Variants in ADGRA1 observed in about 807,000 individuals in gnomAD.
ADGRA1 encodes the protein adhesion G protein-coupled receptor A1, also known as G-protein coupled receptor 123.
Under a neutral mutation model 21.3 loss-of-function variants are expected in ADGRA1, and 12 were observed. The observed-to-expected ratio is 0.56, with a 90% CI of 0.36 to 0.91. The LOEUF (loss-of-function observed/expected upper bound fraction) is 0.91, where lower values mean the gene tolerates loss of function less well. ADGRA1 is among the 40% of genes least tolerant of loss of function. The pLI is 0.01. For missense variants in ADGRA1, 790 were observed against 805.6 expected (o/e 0.98, Z 0.23); for synonymous variants, 385 against 368.8 (o/e 1.04, Z -0.50).
intron 4 of ADGRA1, among the ~76,000 whole-genome samples, chr10:133,101,194 C>T (rs567566970): frequency 1.6e-4 from 24 of 152,322 alleles, no homozygotes; most frequent in Admixed American, 5.9e-4. Flanking sequence ...GTGGCTGATC[C>T]GCCTTCCCGC....
intron 4 of ADGRA1, chr10:133,102,386 G>A (rs1404593501): frequency 1.9e-6 from 1 of 534,048 alleles, no homozygotes; most frequent in Non-Finnish European, 3.6e-6. Context: ...GTCCGTGCCT[G>A]GGCCACAGGG....
chr10:133,128,285 T>C, intron 6 of ADGRA1, 44 bp from the exon 7 acceptor site: 1 of 1,442,992 alleles, frequency 6.9e-7, no homozygotes, highest in South Asian at 1.4e-5. Context: ...TCCTGAGTCC[T>C]GGCCGTGCTG....
At chr10:133,116,272 C>T (rs983284464) in intron 5 of ADGRA1, among the ~76,000 whole-genome samples, 26 of 152,278 alleles carry the variant, frequency 1.7e-4, no homozygotes, top group African/African-American at 6.3e-4. Flanking sequence ...AGGGCCTGTG[C>T]CTTCGCCTAT....
chr10:133,114,345 C>T (rs994346066), intron 5 of ADGRA1, among the ~76,000 whole-genome samples: 4 of 152,202 alleles, frequency 2.6e-5, no homozygotes, highest in Admixed American at 1.3e-4. Flanking sequence ...TCCTGCAGAC[C>T]CATCCTTGGG....
At chr10:133,097,309 C>T (rs949215866) in intron 3 of ADGRA1, among the ~76,000 whole-genome samples, 5 of 152,256 alleles carry the variant, frequency 3.3e-5, no homozygotes, top group Non-Finnish European at 4.4e-5. Context: ...AGGGAAGCCG[C>T]GCCTGTCCAC....
chr10:133,105,148 T>C (rs188780264), intron 5 of ADGRA1, among the ~76,000 whole-genome samples: 74 of 152,342 alleles, frequency 4.9e-4, no homozygotes, highest in African/African-American at 1.7e-3. Context: ...TCTTGCGGTC[T>C]GGGAGGGAAG....
chr10:133,110,905 T>C (rs1287741824), intron 5 of ADGRA1, among the ~76,000 whole-genome samples: 4 of 152,188 alleles, frequency 2.6e-5, no homozygotes, highest in African/African-American at 9.7e-5. Flanking sequence ...ACACAGGTGC[T>C]GCTGGATAAT....
intron 4 of ADGRA1, among the ~76,000 whole-genome samples, chr10:133,101,441 G>T (rs368066314): frequency 6.6e-6 from 1 of 152,334 alleles, no homozygotes; most frequent in Admixed American, 6.5e-5. Flanking sequence ...ACCGTGGGAC[G>T]CTGGTGGCTT....
intron 5 of ADGRA1, among the ~76,000 whole-genome samples, chr10:133,123,745 C>T (rs1039605575): frequency 4.6e-5 from 7 of 151,640 alleles, no homozygotes; most frequent in East Asian, 2.0e-4. Flanking sequence ...GGGGCTGCCT[C>T]GGCCACCGTC....
intron 4 of ADGRA1, among the ~76,000 whole-genome samples, chr10:133,099,078 C>A (rs895611194): frequency 3.3e-5 from 5 of 152,026 alleles, no homozygotes; most frequent in Non-Finnish European, 5.9e-5. Context: ...CAGCCCGCCC[C>A]TCCCGGAGAA....
At chr10:133,110,981 G>A (rs998432885) in intron 5 of ADGRA1, among the ~76,000 whole-genome samples, 1 of 152,124 alleles carries the variant, frequency 6.6e-6, no homozygotes, top group African/African-American at 2.4e-5. Context: ...GGTTGTTTCT[G>A]AATCTGTTAA....
At chr10:133,092,785 G>GGAAGGAAGGAAA (rs1851619320) in intron 2 of ADGRA1, among the ~76,000 whole-genome samples, 1 of 136,520 alleles carries the variant, frequency 7.3e-6, no homozygotes, top group Non-Finnish European at 1.5e-5. Context: ...AAGGAAGGAA[G>GGAAGGAAGGAAA]GAAGGAAGGA....
intron 4 of ADGRA1, among the ~76,000 whole-genome samples, chr10:133,099,728 C>T (rs932042037): frequency 2.0e-5 from 3 of 152,180 alleles, no homozygotes; most frequent in South Asian, 2.1e-4. Flanking sequence ...CCCCGCACAC[C>T]CAGCCCAGTC....
chr10:133,118,525 A>G (rs933332783), intron 5 of ADGRA1, among the ~76,000 whole-genome samples: 2 of 152,212 alleles, frequency 1.3e-5, no homozygotes, highest in South Asian at 2.1e-4. Context: ...CAGTCCTGGC[A>G]GAAGGGGAAG....
rs1485494487 is a variant in ADGRA1 at position 133,114,287 on chromosome 10, G to A, written c.401+11445G>A. Among the ~76,000 whole-genome samples, 3 of 152,192 alleles carry A rather than the reference G, an allele frequency of 2.0e-5. No individual in the cohort carries two copies. The East Asian group carries it at 5.8e-4, about 29-fold the overall frequency. Reference sequence around the variant, plus strand: ...GGCCACATGTGGCCTGACGTCCTGGGACACAGACCTCGCCCTGGAACATAG... The same window carrying A: ...GGCCACATGTGGCCTGACGTCCTGGAACACAGACCTCGCCCTGGAACATAG... On this transcript the variant is annotated intron_variant, in intron 5 of 6. Coordinates refer to ENST00000392607, the MANE Select transcript of ADGRA1 (RefSeq NM_001083909.3).
chr10:133,095,530 C>T (rs1851672272), intron 2 of ADGRA1: 12 of 1,230,498 alleles, frequency 9.8e-6, no homozygotes, highest in Non-Finnish European at 1.3e-5. Context: ...TCGCACAGGT[C>T]CAGGCTCCTC....
chr10:133,117,294 A>T (rs111596048), intron 5 of ADGRA1, among the ~76,000 whole-genome samples: 2 of 152,212 alleles, frequency 1.3e-5, no homozygotes, highest in African/African-American at 4.8e-5. Context: ...TGGGCCCGAG[A>T]CCCGAGACCT....
intron 5 of ADGRA1, among the ~76,000 whole-genome samples, chr10:133,114,100 G>A (rs1274256521): frequency 6.6e-6 from 1 of 152,230 alleles, no homozygotes; most frequent in Non-Finnish European, 1.5e-5. Context: ...GAGGAAGGGA[G>A]GAGGTGCCAC....
In ADGRA1 at chr10:133,122,954, G is replaced by T. The variant is rs557062333; in HGVS notation, c.402-4279G>T. 8.5e-5 allele frequency among the ~76,000 whole-genome samples: 13 copies of T among 152,238 alleles called. No individual in the cohort carries two copies. The South Asian group carries it at 2.7e-3, about 32-fold the overall frequency. ...ATTTCTCTGATTTCTTTCCCTGCAC[G>T]TGTTTCTTTAAGGCCCATCCTGTAA... On this transcript the variant is annotated intron_variant, in intron 5 of 6. Coordinates refer to ENST00000392607, the MANE Select transcript of ADGRA1 (RefSeq NM_001083909.3).
Sources: gnomAD v4.1 joint callset for allele counts (sites outside exome capture counted in the v4.1 genomes callset) on GRCh38, gnomAD v4.1.1 for gene constraint, MANE v1.5 for transcripts, NCBI Gene and HGNC (gene_info 2026-07-23, HGNC 2026-07-21) for gene names.